The following TNKS variants were observed in gnomAD, a reference collection of about 807,000 sequenced individuals.
TNKS encodes the protein tankyrase.
A neutral mutation model predicts 135.8 loss-of-function variants in TNKS; 72 were observed. The ratio of observed to expected loss-of-function variants is 0.53; its 90% CI spans 0.44 to 0.64. TNKS has a LOEUF of 0.64. Among genes scored for constraint, TNKS ranks in the 30% least tolerant of loss-of-function variants. The pLI, the probability that TNKS is intolerant of heterozygous loss-of-function variation, is 0.00. For synonymous variants in TNKS, 849 were observed against 649.3 expected (o/e 1.31, Z -4.68); for missense variants, 1,769 against 1,674.0 (o/e 1.06, Z -0.99).
chr8:9,660,291 G>C (rs1801632557), intron 3 of TNKS, among the ~76,000 whole-genome samples: 1 of 152,120 alleles, frequency 6.6e-6, no homozygotes, highest in African/African-American at 2.4e-5. Flanking sequence ...CAGAAAAAGA[G>C]AATTTTAGAC....
chr8:9,574,650 A>G (rs1229264852), intron 1 of TNKS, among the ~76,000 whole-genome samples: 2 of 152,212 alleles, frequency 1.3e-5, no homozygotes, highest in Non-Finnish European at 2.9e-5. Flanking sequence ...ACTGTTGGTT[A>G]TGTACCCCAA....
At chr8:9,569,544 C>A (rs1424415318) in intron 1 of TNKS, among the ~76,000 whole-genome samples, 1 of 152,086 alleles carries the variant, frequency 6.6e-6, no homozygotes, top group Non-Finnish European at 1.5e-5. Context: ...TTGTATAATT[C>A]TATTGTGGGA....
At chr8:9,661,707 T>C (rs1801722669) in intron 3 of TNKS, among the ~76,000 whole-genome samples, 1 of 152,110 alleles carries the variant, frequency 6.6e-6, no homozygotes, top group African/African-American at 2.4e-5. Flanking sequence ...CCAAAAGCAA[T>C]GGCAACAAAA....
At chr8:9,575,289 G>C (rs1242725936) in intron 1 of TNKS, 2 of 658,886 alleles carry the variant, frequency 3.0e-6, no homozygotes, top group Non-Finnish European at 3.8e-6. Context: ...GTTTCACCAT[G>C]TTAGCTAGGA....
intron 1 of TNKS, among the ~76,000 whole-genome samples, chr8:9,561,905 C>T (rs916080368): frequency 6.6e-6 from 1 of 152,166 alleles, no homozygotes; most frequent in Admixed American, 6.5e-5. Context: ...CAACCTCTGC[C>T]TCCTCGGTTC....
At chr8:9,735,944 T>G (rs943573718) in intron 17 of TNKS, among the ~76,000 whole-genome samples, 2 of 152,062 alleles carry the variant, frequency 1.3e-5, no homozygotes, top group Non-Finnish European at 2.9e-5. Context: ...GTTCAGAGTT[T>G]TGGTGTATCT....
chr8:9,561,155 A>G (rs6601332), intron 1 of TNKS, among the ~76,000 whole-genome samples: 44,015 of 152,064 alleles, frequency 0.29, 6,761 homozygotes, highest in East Asian at 0.4. Context: ...GAGTGTAAAT[A>G]GTAGGCATCT....
At chr8:9,722,588 T>C (rs1039136783) in intron 12 of TNKS, 1 of 151,848 alleles carries the variant, frequency 6.6e-6, no homozygotes, top group South Asian at 2.1e-4. Context: ...TTTGACTTCC[T>C]GTTTTTATGG....
chr8:9,672,719 A>C (rs1405369867), intron 3 of TNKS, among the ~76,000 whole-genome samples: 1 of 148,660 alleles, frequency 6.7e-6, no homozygotes, highest in African/African-American at 2.5e-5. Context: ...CACAAAAAAA[A>C]AAAAACAAAC....
At chr8:9,586,024 A>G (rs1350163257) in intron 2 of TNKS, among the ~76,000 whole-genome samples, 1 of 152,172 alleles carries the variant, frequency 6.6e-6, no homozygotes, top group Non-Finnish European at 1.5e-5. Flanking sequence ...TAAATGAGAT[A>G]ATATACGTGA....
At chr8:9,637,620 C>T (rs1240822476) in intron 3 of TNKS, among the ~76,000 whole-genome samples, 1 of 152,118 alleles carries the variant, frequency 6.6e-6, no homozygotes, top group Non-Finnish European at 1.5e-5. Flanking sequence ...AGCAATGGGA[C>T]AGTATCCTTT....
At position 9,715,364 on chromosome 8, in the gene TNKS, G is replaced by T. The variant is rs552627116; in HGVS notation, c.1750-5010G>T. On this transcript the variant is annotated intron_variant, in intron 11 of 26. Coordinates refer to ENST00000310430, the MANE Select transcript of TNKS (RefSeq NM_003747.3). ...GAAAGAGGTTGTACTAGCAGCAGGG[G>T]GGGCGGGTATGATCATCTCTGGTCT... is the stretch of plus-strand genomic sequence containing the variant. Among the ~76,000 whole-genome samples the T allele has an allele frequency of 2.4e-3, 230 of 94,386 alleles. 2 individuals carry two copies. In the South Asian group the frequency reaches 0.034, roughly 14 times the overall value. 61.9% of individuals were successfully genotyped at this position (94,386 alleles called of 152,430 possible). A position where few individuals can be genotyped will look rare whatever the true frequency, so the allele number is the denominator to read the frequency against.
chr8:9,726,881 G>T (rs993450718), intron 13 of TNKS, among the ~76,000 whole-genome samples, 161 bp downstream of exon 13: 7 of 152,118 alleles, frequency 4.6e-5, no homozygotes, highest in African/African-American at 1.4e-4. Context: ...TTCCCAGTAT[G>T]TGCCTTGTAT....
rs967957759 is a variant in TNKS, at chr8:9,707,123, A to C, written c.1456+126A>C. ...AGACTAATTCATAATCCTCATTTCTAATTGTATACTTTTCTTCATGAATTC... is the reference window on the plus strand; with the variant it reads ...AGACTAATTCATAATCCTCATTTCTCATTGTATACTTTTCTTCATGAATTC... On this transcript the variant is annotated intron_variant, in intron 8 of 26. Coordinates refer to ENST00000310430, the MANE Select transcript of TNKS (RefSeq NM_003747.3). The C allele has an allele frequency of 1.2e-5, 10 of 802,650 alleles. No homozygotes were observed. The Admixed American group carries it at 3.6e-4, about 29-fold the overall frequency. 49.7% of individuals were successfully genotyped at this position (802,650 alleles called of 1,614,324 possible).
chr8:9,650,471 C>T (rs888027913), intron 3 of TNKS, among the ~76,000 whole-genome samples: 4 of 152,154 alleles, frequency 2.6e-5, no homozygotes, highest in Admixed American at 6.5e-5. Flanking sequence ...CATATCCACA[C>T]CAACATCTGT....
chr8:9,677,465 A>G (rs1302587491), intron 3 of TNKS, among the ~76,000 whole-genome samples: 2 of 152,098 alleles, frequency 1.3e-5, no homozygotes, highest in African/African-American at 4.8e-5. Context: ...TACCACTCTT[A>G]TTGGAGTCAT....
At chr8:9,723,745 G>A (rs141871474) in intron 12 of TNKS, among the ~76,000 whole-genome samples, 106 of 152,302 alleles carry the variant, frequency 7.0e-4, no homozygotes, top group Non-Finnish European at 1.2e-3. Context: ...GTATTCCGTA[G>A]TCACACGTGG....
In TNKS at chr8:9,774,250, G is replaced by A. The variant is rs537816720; in HGVS notation, c.3898-2400G>A. ...ATTTCAGCTACTTTACTGAACTGAT[G>A]TGAACAATGCAGAATTACTTAACCT... On this transcript the variant is annotated intron_variant, in intron 26 of 26. Coordinates refer to ENST00000310430, the MANE Select transcript of TNKS (RefSeq NM_003747.3). Among the ~76,000 whole-genome samples, 5 of 152,284 alleles carry A rather than the reference G, an allele frequency of 3.3e-5. No individual in the cohort carries two copies. The South Asian group carries it at 6.2e-4, about 19-fold the overall frequency.
At chr8:9,736,097 G>A (rs56369100) in intron 17 of TNKS, among the ~76,000 whole-genome samples, 103,524 of 147,936 alleles carry the variant, frequency 0.7, 36,751 homozygotes, top group Admixed American at 0.8. Flanking sequence ...TATATATAAT[G>A]TAAAATAATA....
Sources: allele counts gnomAD v4.1 joint callset (sites outside exome capture counted in the v4.1 genomes callset), GRCh38; gene constraint gnomAD v4.1.1; transcripts MANE v1.5; gene names NCBI Gene and HGNC (gene_info 2026-07-23, HGNC 2026-07-21).